The following CPT1B variants were observed in gnomAD, a reference collection of about 807,000 sequenced individuals.
CPT1B encodes the protein carnitine O-palmitoyltransferase 1, muscle isoform.
In CPT1B, 57 loss-of-function variants were observed where a neutral mutation model predicts 92.7. The ratio of observed to expected loss-of-function variants is 0.62; its 90% CI spans 0.50 to 0.77. The LOEUF is 0.77. CPT1B is among the 30% of genes least tolerant of loss of function. The pLI, the probability that CPT1B is intolerant of heterozygous loss-of-function variation, is 0.00. For missense variants in CPT1B, 983 were observed against 1,017.4 expected (o/e 0.97, Z 0.46); for synonymous variants, 398 against 383.5 (o/e 1.04, Z -0.44).
chr22:50,577,446 G>GCCC lies in CPT1B; in HGVS notation c.156_158dup (p.Gly53dup), dbSNP rs776959700. 1.0e-4 allele frequency: 165 copies of GCCC among 1,613,540 alleles called. No individual in the cohort carries two copies. In the Middle Eastern group the frequency reaches 1.5e-3, roughly 14 times the overall value. ...AGCTGGTGGGGCTGCCAGGGTACAC[G>GCCC]CCCCTGAGGATGCCATTCTGTGGGC... On this transcript the variant is annotated inframe_insertion, in exon 3 of 20. Transcript: ENST00000312108.
At chr22:50,570,509 G>GAGCTCC in intron 16 of CPT1B, 103 bp from the exon 17 acceptor site, 8 of 928,240 alleles carry the variant, frequency 8.6e-6, no homozygotes, top group Non-Finnish European at 1.1e-5. Context: ...TCTGCTGAGG[G>GAGCTCC]TGCAGGAGCT....
rs1488312572 is a variant in CPT1B, at chr22:50,571,704, C to T, written c.1576-165G>A. 2.0e-5 allele frequency among the ~76,000 whole-genome samples: 3 copies of T among 152,210 alleles called. No homozygotes were observed. The East Asian group carries it at 5.8e-4, about 29-fold the overall frequency. On this transcript the variant is annotated intron_variant, in intron 13 of 19. Transcript: ENST00000312108. ...GACAGTCTGAGGGAGAATCAGCCCC[C>T]AGAGGCCGGGCTCAGCTTTGTGGGT...
chr22:50,571,874 G>C (rs1237572933), intron 13 of CPT1B, 132 bp downstream of exon 13: 3 of 871,904 alleles, frequency 3.4e-6, no homozygotes, highest in African/African-American at 1.7e-5. Context: ...ATCCTGAGAC[G>C]TGCCCTGTGC....
chr22:50,569,712 G>A lies in CPT1B; in HGVS notation c.2143-44C>T, dbSNP rs138944919. On this transcript the variant is annotated intron_variant, in intron 17 of 19. Transcript: ENST00000312108. ...GTGAAGAAGGCATAAATCAAACCTT[G>A]AAGATCTGAAAGCCAAGCTGATATT... The A allele has an allele frequency of 1.0e-3, 1,518 of 1,503,900 alleles. 20 individuals are homozygous for A. The African/African-American group carries it at 0.019, about 19-fold the overall frequency. The allele number at this position is 1,503,900 out of a possible 1,614,324, so 93.2% of individuals were successfully genotyped here. A position where few individuals can be genotyped will look rare whatever the true frequency, so the allele number is the denominator to read the frequency against.
At chr22:50,576,697 G>A in intron 4 of CPT1B, 60 bp from the exon 5 acceptor site, 1 of 1,576,278 alleles carries the variant, frequency 6.3e-7, no homozygotes, top group Non-Finnish European at 8.7e-7. Context: ...AAACCAACCA[G>A]CAACTCCCTG....
chr22:50,574,677 C>T (rs2070352922), intron 7 of CPT1B, 77 bp from the exon 8 acceptor site: 1 of 1,146,794 alleles, frequency 8.7e-7, no homozygotes, highest in Non-Finnish European at 1.3e-6. Flanking sequence ...AAGGACCAAT[C>T]TATTCGGGGG....
chr22:50,577,631 C>G, intron 2 of CPT1B, 144 bp downstream of exon 2: 1 of 1,411,268 alleles, frequency 7.1e-7, no homozygotes, highest in East Asian at 2.3e-5. Flanking sequence ...CGACCACATC[C>G]TGTGCACCCC....
Position 50,571,271 on chromosome 22 carries a change from T to C in CPT1B, c.1762A>G (p.Thr588Ala). The C allele has an allele frequency of 6.2e-7, 1 of 1,613,860 alleles. No individual in the cohort carries two copies. The highest frequency in any genetic ancestry group is 8.5e-7 in the Non-Finnish European group (1 of 1,180,010). ...ATTCTGGTCATTGAGGCCTCATAGG[T>C]CAGGCAGAACTTACCCCTGTCCTGG... ...HFRDRGKFCL[T>A]YEASMTRMFR... The change falls in exon 15 of 20, where the codon ACC (threonine) becomes GCC (alanine). Residue 588 changes from threonine to alanine, a missense_variant. Physicochemically the swap from Thr to Ala is moderately conservative, Grantham distance 58. Coordinates refer to ENST00000312108, the MANE Select transcript of CPT1B (RefSeq NM_152246.3).
At chr22:50,571,843 G>T in intron 13 of CPT1B, 163 bp downstream of exon 13, 1 of 754,102 alleles carries the variant, frequency 1.3e-6, no homozygotes, top group Non-Finnish European at 2.2e-6. Flanking sequence ...CCTCCCTGAA[G>T]CCAGTTTGGA....
intron 11 of CPT1B, 23 bp downstream of exon 11, chr22:50,572,852 C>T: frequency 2.5e-6 from 4 of 1,595,904 alleles, no homozygotes; most frequent in South Asian, 2.2e-5. Flanking sequence ...AAGCTGTAAC[C>T]TGTGGGGCTG....
At position 50,573,964 on chromosome 22, in the gene CPT1B, T is replaced by C; in HGVS notation, c.971-249A>G. On this transcript the variant is annotated intron_variant, in intron 9 of 19. Coordinates refer to ENST00000312108, the MANE Select transcript of CPT1B (RefSeq NM_152246.3). The surrounding 1 kb of genome is among the most constrained non-coding windows in gnomAD (Gnocchi z 5.0). ...GAAGAGGAAACGACGCACTAGAGGG[T>C]TGTGCAAACCGCCTAAGGATACAGT... The C allele has an allele frequency of 1.4e-6, 1 of 704,994 alleles. No homozygotes were observed. The allele number at this position is 704,994 out of a possible 1,614,324, so 43.7% of individuals were successfully genotyped here.
rs960074269 is a variant in CPT1B at position 50,573,223 on chromosome 22, G to C, written c.1167-163C>G. 2.1e-4 allele frequency: 141 copies of C among 661,784 alleles called. No homozygotes were observed. Among genetic ancestry groups the C allele is most frequent in the Non-Finnish European group, 3.4e-4 (133 of 395,988 alleles). 41.0% of individuals were successfully genotyped at this position (661,784 alleles called of 1,614,324 possible). ...ATGTGGGGGTGCCAGGCTGGGCCTG[G>C]AGGTGTTGGGGTGCGTGCCAGGCTG... On this transcript the variant is annotated intron_variant, in intron 10 of 19. Coordinates refer to ENST00000312108, the MANE Select transcript of CPT1B (RefSeq NM_152246.3). The surrounding 1 kb of genome is among the most constrained non-coding windows in gnomAD (Gnocchi z 5.0).
At position 50,577,852 on chromosome 22, in the gene CPT1B, G is replaced by A. The variant is rs1289198003; in HGVS notation, c.64C>T (p.Arg22Trp). 2.5e-6 allele frequency: 4 copies of A among 1,613,716 alleles called. No individual in the cohort carries two copies. Among genetic ancestry groups the A allele is most frequent in the South Asian group, 1.1e-5 (1 of 91,088 alleles). ...TGTTTCAGGGCCTCCCGACTGAGCCGGAAGTCGACCCCGTCTGGGGTCACC... is the reference window on the plus strand; with the variant it reads ...TGTTTCAGGGCCTCCCGACTGAGCCAGAAGTCGACCCCGTCTGGGGTCACC... ...FTVTPDGVDF[R>W]LSREALKHVY... The change falls in exon 2 of 20, where the codon CGG (arginine) becomes TGG (tryptophan). Residue 22 changes from arginine to tryptophan, a missense_variant. Transcript: ENST00000312108.
Position 50,574,576 on chromosome 22 carries a change from C to T in CPT1B, c.802G>A (p.Asp268Asn), listed in dbSNP as rs760052085. The change falls in exon 8 of 20, where the codon GAC becomes AAC. Residue 268 changes from aspartate to asparagine, a missense_variant. Physicochemically the swap from Asp to Asn is conservative, Grantham distance 23. Coordinates refer to ENST00000312108, the MANE Select transcript of CPT1B (RefSeq NM_152246.3). ...TTTCCCAGGCGGGCTGCCTGCACGT[C>T]TGTATTCTTGATGAGCACAAGGTCC... ...VMDLVLIKNT[D>N]VQAARLGNII... is the part of the protein sequence containing the mutation. 61 of 1,614,124 alleles carry T rather than the reference C, an allele frequency of 3.8e-5. 5 individuals carry two copies. The South Asian group carries it at 6.5e-4, about 17-fold the overall frequency.
intron 17 of CPT1B, among the ~76,000 whole-genome samples, chr22:50,570,046 CCA>C (rs1452315048): frequency 6.6e-6 from 1 of 152,192 alleles, no homozygotes; most frequent in Non-Finnish European, 1.5e-5. Context: ...GAAACCAGCC[CCA>C]CAGTCATGCT....
intron 19 of CPT1B, 81 bp from the exon 20 acceptor site, chr22:50,569,162 C>G (rs2070030387): frequency 1.7e-6 from 1 of 591,666 alleles, no homozygotes; most frequent in South Asian, 2.2e-5. Flanking sequence ...CTGCTCCAAC[C>G]CCACCTCCAC....
chr22:50,574,314 GC>G lies in CPT1B; in HGVS notation c.970+20del. ...GAGCCAGCCAGATGGCCCACAGGTA[GC>G]AGCGAGGGGGCTCAGTTACCTGTGT... On this transcript the variant is annotated intron_variant, in intron 9 of 19. Transcript: ENST00000312108. 1 of 1,593,996 alleles carries G rather than the reference GC, an allele frequency of 6.3e-7. No homozygotes were observed. Among genetic ancestry groups the G allele is most frequent in the Non-Finnish European group, 8.6e-7 (1 of 1,167,918 alleles).
intron 17 of CPT1B, 81 bp from the exon 18 acceptor site, chr22:50,569,749 T>A: frequency 8.0e-7 from 1 of 1,243,468 alleles, no homozygotes; most frequent in Non-Finnish European, 1.2e-6. Context: ...TACTTGTTCT[T>A]CCCACAAGAG....
chr22:50,571,604 TAGGAGGCATGACGTTTAGCTGGTGG>T (rs1364066528), intron 13 of CPT1B, 65 bp from the exon 14 acceptor site: 4 of 1,552,930 alleles, frequency 2.6e-6, no homozygotes, highest in Non-Finnish European at 2.6e-6. Flanking sequence ...GGGTCATGTC[TAGGAGGCATGACGTTTAGCTGGTGG>T]AGAAAGGGCA....
Sources: allele counts gnomAD v4.1 joint callset (sites outside exome capture counted in the v4.1 genomes callset), GRCh38; gene constraint gnomAD v4.1.1; non-coding constraint Gnocchi (gnomAD v3.1); transcripts MANE v1.5; gene names NCBI Gene and HGNC (gene_info 2026-07-23, HGNC 2026-07-21).